The following PHF14 variants were observed in gnomAD, a reference collection of about 807,000 sequenced individuals.
PHF14 encodes the protein PHD finger protein 14.
A neutral mutation model predicts 117.9 loss-of-function variants in PHF14; 55 were observed. The ratio of observed to expected loss-of-function variants is 0.47; its 90% CI spans 0.38 to 0.58. The LOEUF (loss-of-function observed/expected upper bound fraction) is 0.58. Among genes scored for constraint, PHF14 ranks in the 20% least tolerant of loss-of-function variants. The pLI, the probability that PHF14 is intolerant of heterozygous loss-of-function variation, is 0.00. For synonymous variants in PHF14, 409 were observed against 368.6 expected (o/e 1.11, Z -1.26); for missense variants, 978 against 1,122.2 (o/e 0.87, Z 1.84).
chr7:11,004,322 C>G (rs1403167841), intron 4 of PHF14, among the ~76,000 whole-genome samples: 3 of 142,368 alleles, frequency 2.1e-5, no homozygotes, highest in Non-Finnish European at 4.5e-5. Flanking sequence ...GGTAAATATG[C>G]TTAAAACTTT....
At chr7:11,025,354 G>A (rs1340873164) in intron 6 of PHF14, among the ~76,000 whole-genome samples, 1 of 152,186 alleles carries the variant, frequency 6.6e-6, no homozygotes, top group South Asian at 2.1e-4. Context: ...GATTGATTAA[G>A]CAGGAAGAGG....
At position 10,997,443 on chromosome 7, in the gene PHF14, G is replaced by A. The variant is rs187807078; in HGVS notation, c.1045+6596G>A. On this transcript the variant is annotated intron_variant, in intron 4 of 17. Coordinates refer to ENST00000634607, the MANE Select transcript of PHF14 (RefSeq NM_001007157.2). ...TTTTTTCTTTCTTATTTTAGATGCT[G>A]TATTGATTATCTGCTGCAGTGGAAC... 2.6e-5 allele frequency among the ~76,000 whole-genome samples: 4 copies of A among 152,332 alleles called. No homozygotes were observed. In the East Asian group the frequency reaches 7.7e-4, roughly 29 times the overall value.
intron 4 of PHF14, among the ~76,000 whole-genome samples, chr7:11,000,787 A>G (rs372766227): frequency 1.3e-5 from 2 of 152,130 alleles, no homozygotes; most frequent in African/African-American, 4.8e-5. Flanking sequence ...GTCTTTTGCA[A>G]ATACTTTCTC....
At chr7:11,059,470 A>T (rs1054904392) in intron 14 of PHF14, among the ~76,000 whole-genome samples, 1 of 152,194 alleles carries the variant, frequency 6.6e-6, no homozygotes, top group Admixed American at 6.5e-5. Context: ...ACTAATTTGG[A>T]GCATCTTATT....
intron 16 of PHF14, among the ~76,000 whole-genome samples, chr7:11,072,590 C>T (rs895255065): frequency 6.6e-6 from 1 of 152,118 alleles, no homozygotes; most frequent in African/African-American, 2.4e-5. Flanking sequence ...AAGTAAAGGG[C>T]TTGGCACAGT....
chr7:11,134,091 A>G (rs145224513), intron 17 of PHF14, among the ~76,000 whole-genome samples: 31 of 152,092 alleles, frequency 2.0e-4, no homozygotes, highest in African/African-American at 6.0e-4. Flanking sequence ...AGGAGTCAGA[A>G]TTTGAAATAG....
intron 4 of PHF14, among the ~76,000 whole-genome samples, chr7:10,994,518 T>G (rs1782564924): frequency 6.6e-6 from 1 of 152,158 alleles, no homozygotes; most frequent in East Asian, 1.9e-4. Context: ...TAGAACTGGG[T>G]GAGCAAGCTG....
At position 11,036,999 on chromosome 7, in the gene PHF14, A is replaced by T. The variant is rs1164628029; in HGVS notation, c.1888A>T (p.Met630Leu). 6.6e-7 allele frequency: 1 copy of T among 1,506,048 alleles called. No individual in the cohort carries two copies. The highest frequency in any genetic ancestry group is 1.4e-5 in the African/African-American group (1 of 71,892). The allele number at this position is 1,506,048 out of a possible 1,614,324, so 93.3% of individuals were successfully genotyped here. Residue 630 changes from methionine (M) to leucine (L), a missense_variant, in exon 10 of 18, where the codon ATG becomes TTG. Around this residue, in one of 7 missense-constraint regions of PHF14, gnomAD observed 237 missense variants for 276.4 expected, o/e 0.86. Transcript: ENST00000634607. ...CATTTAAATAGAGAGAAATATGCGCATGATTCAAATTCAGGAAAATATGGC... is the reference window on the plus strand; with the variant it reads ...CATTTAAATAGAGAGAAATATGCGCTTGATTCAAATTCAGGAAAATATGGC... The part of the protein sequence containing the change: ...VNYYFERNMR[M>L]IQIQENMAEQ...
chr7:11,106,793 C>A (rs1436935563), intron 16 of PHF14: 2 of 984,322 alleles, frequency 2.0e-6, no homozygotes, highest in Non-Finnish European at 2.4e-6. Context: ...GTTGGAAAAT[C>A]CAACCCATCA....
intron 7 of PHF14, among the ~76,000 whole-genome samples, chr7:11,035,317 G>C (rs191063396): frequency 6.6e-6 from 1 of 151,912 alleles, no homozygotes; most frequent in Non-Finnish European, 1.5e-5. Flanking sequence ...TATCCTTGGG[G>C]GGTCCTGGAA....
At chr7:11,091,475 G>A (rs1786639773) in intron 16 of PHF14, among the ~76,000 whole-genome samples, 1 of 152,238 alleles carries the variant, frequency 6.6e-6, no homozygotes, top group South Asian at 2.1e-4. Context: ...ATAAAGAGGA[G>A]CTGCTTGCCG....
intron 16 of PHF14, among the ~76,000 whole-genome samples, chr7:11,075,906 T>TGGATCACGAGGTCAGGA (rs1785831562): frequency 2.0e-5 from 3 of 151,606 alleles, no homozygotes; most frequent in Admixed American, 2.0e-4. Flanking sequence ...CTGAGGCGGG[T>TGGATCACGAGGTCAGGA]GGATCACGAG....
At chr7:11,052,495 G>A (rs1226859659) in intron 14 of PHF14, among the ~76,000 whole-genome samples, 1 of 152,054 alleles carries the variant, frequency 6.6e-6, no homozygotes, top group Non-Finnish European at 1.5e-5. Flanking sequence ...GTTTGTGTAT[G>A]TATTAAGGTG....
chr7:11,057,897 A>T (rs1321163155), intron 14 of PHF14, among the ~76,000 whole-genome samples: 1 of 152,206 alleles, frequency 6.6e-6, no homozygotes. Context: ...AAAACAAAAA[A>T]TTGGAATGTG....
chr7:11,104,662 C>T lies in PHF14; in HGVS notation c.2655-6688C>T, dbSNP rs1001937371. On this transcript the variant is annotated intron_variant, in intron 16 of 17. Transcript: ENST00000634607. ...TGACATAATAGCAAGTAGTGGTTCT[C>T]AAACGTTGTGCATTGGAATCACAGG... 33 of 969,608 alleles carry T rather than the reference C, an allele frequency of 3.4e-5. No individual in the cohort carries two copies. The East Asian group carries it at 3.4e-3, about 101-fold the overall frequency. 60.1% of individuals were successfully genotyped at this position (969,608 alleles called of 1,614,324 possible). A position where few individuals can be genotyped will look rare whatever the true frequency, so the allele number is the denominator to read the frequency against.
chr7:11,033,097 T>A (rs1297660044), intron 7 of PHF14, among the ~76,000 whole-genome samples: 3 of 152,240 alleles, frequency 2.0e-5, no homozygotes, highest in African/African-American at 4.8e-5. Context: ...GAAACATGTT[T>A]TTCCCTTTCT....
At chr7:11,091,494 G>A (rs1286964488) in intron 16 of PHF14, among the ~76,000 whole-genome samples, 1 of 152,042 alleles carries the variant, frequency 6.6e-6, no homozygotes, top group East Asian at 1.9e-4. Context: ...CGTTGCTCAC[G>A]CCTGTAACCC....
At chr7:11,089,066 CACAG>C (rs1786538013) in intron 16 of PHF14, among the ~76,000 whole-genome samples, 2 of 151,304 alleles carry the variant, frequency 1.3e-5, no homozygotes, top group African/African-American at 4.9e-5. Context: ...TCATTTTGAG[CACAG>C]ACAGACACAA....
intron 4 of PHF14, 43 bp from the exon 5 acceptor site, chr7:11,013,704 C>G: frequency 8.7e-7 from 1 of 1,148,454 alleles, no homozygotes; most frequent in Non-Finnish European, 1.2e-6. Flanking sequence ...GTGACTTTAA[C>G]AAAATAAACC....
Sources: allele counts gnomAD v4.1 joint callset (sites outside exome capture counted in the v4.1 genomes callset), GRCh38; gene constraint gnomAD v4.1.1; regional missense constraint gnomAD v4.1.1; transcripts MANE v1.5; gene names NCBI Gene and HGNC (gene_info 2026-07-23, HGNC 2026-07-21).